Variants in RPS6KA6 observed in about 807,000 individuals in gnomAD.
RPS6KA6 encodes ribosomal protein S6 kinase A6.
In RPS6KA6, 27 loss-of-function variants were observed where a neutral mutation model predicts 65.4. The ratio of observed to expected loss-of-function variants is 0.41; its 90% CI spans 0.30 to 0.57. The LOEUF is 0.57. RPS6KA6 is among the 20% of genes least tolerant of loss of function. The pLI is 0.24. For missense variants in RPS6KA6, 486 were observed against 555.6 expected, an observed-to-expected ratio of 0.87 and a Z score of 1.26; for synonymous variants, 190 against 184.2, an observed-to-expected ratio of 1.03 and a Z score of -0.26.
chrX:84,120,176 G>A, intron 8 of RPS6KA6, 149 bp from the exon 9 acceptor site: 2 of 343,463 alleles, frequency 5.8e-6, no homozygotes, highest in Non-Finnish European at 1.0e-5. Flanking sequence ...ATCAATAAGA[G>A]AAAGCAGCCT....
chrX:84,145,063 T>C (rs2035175923), intron 6 of RPS6KA6, among the ~76,000 whole-genome samples: 1 of 111,221 alleles, frequency 9.0e-6, no homozygotes, highest in Admixed American at 9.6e-5. Context: ...GATATGCTAA[T>C]TATTCTTATT....
chrX:84,148,953 T>C (rs907903248), intron 3 of RPS6KA6, among the ~76,000 whole-genome samples: 1 of 111,727 alleles, frequency 9.0e-6, no homozygotes, highest in African/African-American at 3.3e-5. Flanking sequence ...TTGATAGCAT[T>C]TTATACACAG....
At chrX:84,090,897 T>TCA (rs2034031452) in intron 20 of RPS6KA6, among the ~76,000 whole-genome samples, 1 of 112,013 alleles carries the variant, frequency 8.9e-6, no homozygotes, top group Non-Finnish European at 1.9e-5. Flanking sequence ...CTTCGAGCCT[T>TCA]CAATTGTTAA....
chrX:84,153,010 C>T (rs1162620278), intron 3 of RPS6KA6, among the ~76,000 whole-genome samples: 2 of 111,453 alleles, frequency 1.8e-5, no homozygotes, highest in Non-Finnish European at 3.8e-5. Flanking sequence ...AATTTTCTCT[C>T]AATCACATGG....
intron 20 of RPS6KA6, among the ~76,000 whole-genome samples, chrX:84,077,457 C>T (rs1265240630): frequency 1.8e-5 from 2 of 111,324 alleles, no homozygotes; most frequent in African/African-American, 6.5e-5. Context: ...AGAAACAGAA[C>T]CATGGATATT....
Position 84,064,315 on chromosome X carries a change from G to A in RPS6KA6, c.2200C>T (p.Arg734Ter). Residue 734 changes from arginine to a stop codon, truncating the protein, a stop_gained, in exon 22 of 22, where the codon CGA becomes TGA. Transcript: ENST00000262752. LOFTEE classifies it high-confidence loss of function. The part of the protein sequence containing the change: ...EPVAASSLAQ[R>*]RSMKKRTSTG... ...GATGTTCGCTTTTTCATGCTCCGTC[G>A]CTGGGCTAAGCTTGAAGCAGCTACA... is the stretch of plus-strand genomic sequence containing the variant. The A allele has an allele frequency of 8.3e-7, 1 of 1,207,610 alleles. No individual in the cohort carries two copies. Among genetic ancestry groups the A allele is most frequent in the Non-Finnish European group, 1.1e-6 (1 of 893,419 alleles).
chrX:84,107,858 T>C, intron 12 of RPS6KA6, 133 bp from the exon 13 acceptor site: 2 of 334,256 alleles, frequency 6.0e-6, no homozygotes, highest in South Asian at 2.5e-4. Context: ...AGATAACTGT[T>C]AACCAAATTC....
intron 18 of RPS6KA6, among the ~76,000 whole-genome samples, chrX:84,100,952 T>C (rs1049143545): frequency 9.0e-6 from 1 of 110,835 alleles, no homozygotes; most frequent in African/African-American, 3.3e-5. Flanking sequence ...ATTTTTATAG[T>C]AGCTACTTTA....
chrX:84,115,963 A>T (rs1392964307), intron 12 of RPS6KA6, among the ~76,000 whole-genome samples: 1 of 111,400 alleles, frequency 9.0e-6, no homozygotes, highest in Non-Finnish European at 1.9e-5. Context: ...AGAAGTTAAA[A>T]GGGAATTGAG....
chrX:84,084,178 A>C (rs1431430696), intron 20 of RPS6KA6, among the ~76,000 whole-genome samples: 1 of 112,338 alleles, frequency 8.9e-6, no homozygotes, highest in Non-Finnish European at 1.9e-5. Flanking sequence ...CTCTGATGAT[A>C]GTTTCTTTTG....
intron 20 of RPS6KA6, among the ~76,000 whole-genome samples, chrX:84,072,643 A>G (rs775120037): frequency 8.9e-6 from 1 of 112,284 alleles, no homozygotes; most frequent in East Asian, 2.8e-4. Flanking sequence ...TCTTATTTAT[A>G]GAAAACACTA....
rs746515028 is a variant in RPS6KA6 at position 84,145,435 on chromosome X, GT to G, written c.501+42del. 3 of 853,151 alleles carry G rather than the reference GT, an allele frequency of 3.5e-6. No individual in the cohort carries two copies. In the East Asian group the frequency reaches 1.0e-4, roughly 29 times the overall value. The allele number at this position is 853,151 out of a possible 1,213,427, so 70.3% of individuals were successfully genotyped here. ...AGAAGAACAAAAGTGATTTTTCTTA[GT>G]TTTGTTTTAAGAAAATACAGTAAAA... On this transcript the variant is annotated intron_variant, in intron 6 of 21. Transcript: ENST00000262752.
At chrX:84,167,215 G>A (rs1032785799) in intron 1 of RPS6KA6, among the ~76,000 whole-genome samples, 29 of 111,781 alleles carry the variant, frequency 2.6e-4, no homozygotes, top group African/African-American at 9.1e-4. Context: ...ACATTAACCC[G>A]AAATCAGTGG....
chrX:84,138,640 C>CA (rs2035039143), intron 6 of RPS6KA6, among the ~76,000 whole-genome samples: 1 of 112,398 alleles, frequency 8.9e-6, no homozygotes, highest in Non-Finnish European at 1.9e-5. Context: ...ATCAAACAAA[C>CA]AAAAATCCCT....
rs2033315077 is a variant in RPS6KA6 at position 84,062,393 on chromosome X, T to C, written c.*1884A>G. The C allele has an allele frequency of 9.0e-6, 1 of 111,225 alleles. No homozygotes were observed. Among genetic ancestry groups the C allele is most frequent in the South Asian group, 3.8e-4 (1 of 2,632 alleles). 9.2% of individuals were successfully genotyped at this position (111,225 alleles called of 1,213,427 possible). A position where few individuals can be genotyped will look rare whatever the true frequency, so the allele number is the denominator to read the frequency against. On this transcript the variant is annotated 3_prime_UTR_variant, in exon 22 of 22. Coordinates refer to ENST00000262752, the MANE Select transcript of RPS6KA6 (RefSeq NM_014496.5). Reference sequence around the variant, plus strand: ...ACCTCTGAGTTTGACTTATCGATTCTGATAGGAAGGCATAACAGCACTAGA... The same window carrying C: ...ACCTCTGAGTTTGACTTATCGATTCCGATAGGAAGGCATAACAGCACTAGA...
At position 84,147,006 on chromosome X, in the gene RPS6KA6, A is replaced by T. The variant is rs775537926; in HGVS notation, c.393T>A (p.Asn131Lys). 102 of 1,180,291 alleles carry T rather than the reference A, an allele frequency of 8.6e-5. No individual in the cohort carries two copies. Among genetic ancestry groups the T allele is most frequent in the Non-Finnish European group, 1.1e-4 (99 of 873,402 alleles). Residue 131 changes from asparagine (N) to lysine (K), a missense_variant, in exon 5 of 22, where the codon AAT (asparagine) becomes AAA (lysine). By Grantham distance (94) the Asn-to-Lys change is moderately conservative (BLOSUM62 0). Coordinates refer to ENST00000262752, the MANE Select transcript of RPS6KA6 (RefSeq NM_014496.5). ...AGTGCAATTTGACAATAAATGGATG[A>T]TTTACTTCCACCAGTATATCCCTCT... Reference protein sequence around the residue: ...KMERDILVEVNHPFIVKLHYA... With the variant: ...KMERDILVEVKHPFIVKLHYA...
intron 3 of RPS6KA6, among the ~76,000 whole-genome samples, chrX:84,153,262 T>A: frequency 1.8e-5 from 2 of 112,056 alleles, no homozygotes; most frequent in East Asian, 5.6e-4. Context: ...GCAAAAGTAT[T>A]TTTTTATAAT....
chrX:84,187,454 A>T (rs1343416898), intron 1 of RPS6KA6: 3 of 158,962 alleles, frequency 1.9e-5, no homozygotes, highest in Non-Finnish European at 3.6e-5. Context: ...GTTCCCAGCC[A>T]GCAAACTAGG....
chrX:84,163,674 AC>A (rs2035553653), intron 2 of RPS6KA6, among the ~76,000 whole-genome samples: 1 of 109,033 alleles, frequency 9.2e-6, no homozygotes, highest in Non-Finnish European at 1.9e-5. Context: ...AAAATCTATA[AC>A]TCTATGAAAA....
Sources: allele counts gnomAD v4.1 joint callset (sites outside exome capture counted in the v4.1 genomes callset), GRCh38; gene constraint gnomAD v4.1.1; transcripts MANE v1.5; gene names NCBI Gene and HGNC (gene_info 2026-07-23, HGNC 2026-07-21).